Variants in SCAF8 observed in about 807,000 individuals in gnomAD.
SCAF8 encodes the protein SR-related and CTD-associated factor 8.
Under a neutral mutation model 140.5 loss-of-function variants are expected in SCAF8, and 23 were observed. The observed-to-expected ratio is 0.16, with a 90% CI of 0.12 to 0.23. SCAF8 has a LOEUF of 0.23. Ranked by LOEUF, SCAF8 falls within the 10% of genes least tolerant of loss-of-function variation. The pLI is 1.00. For synonymous variants in SCAF8, 575 were observed against 528.9 expected, an observed-to-expected ratio of 1.09 and a Z score of -1.20; for missense variants, 1,397 against 1,555.7, an observed-to-expected ratio of 0.90 and a Z score of 1.72.
At chr6:154,783,061 C>G (rs560044226) in intron 3 of SCAF8, among the ~76,000 whole-genome samples, 4 of 152,140 alleles carry the variant, frequency 2.6e-5, no homozygotes, top group Non-Finnish European at 5.9e-5. Context: ...ATCCTGAATC[C>G]TAAAGGCAAT....
intron 1 of SCAF8, among the ~76,000 whole-genome samples, chr6:154,746,452 G>A (rs760116661): frequency 3.9e-5 from 6 of 151,914 alleles, no homozygotes; most frequent in Non-Finnish European, 5.9e-5. Context: ...TTTTGTATCC[G>A]TTTATCTAAA....
At position 154,832,753 on chromosome 6, in the gene SCAF8, T is replaced by A. The variant is rs1583077530; in HGVS notation, c.3174T>A (p.Asp1058Glu). 5.6e-6 allele frequency: 9 copies of A among 1,613,554 alleles called. No homozygotes were observed. The highest frequency in any genetic ancestry group is 7.6e-6 in the Non-Finnish European group (9 of 1,179,906). The change falls in exon 20 of 20, where the codon GAT becomes GAA. Residue 1058 changes from aspartate to glutamate, a missense_variant. Coordinates refer to ENST00000367178, the MANE Select transcript of SCAF8 (RefSeq NM_014892.5). ...GPGRPPLDGR[D>E]HFGRPPVDIR... ...GACGGCCTCCACTAGATGGTAGGGA[T>A]CATTTTGGAAGACCTCCTGTAGATA...
chr6:154,805,784 G>A (rs1230012196), intron 9 of SCAF8, among the ~76,000 whole-genome samples: 1 of 152,066 alleles, frequency 6.6e-6, no homozygotes, highest in African/African-American at 2.4e-5. Flanking sequence ...TGGAAGTAGA[G>A]AACAGGATGG....
intron 1 of SCAF8, among the ~76,000 whole-genome samples, chr6:154,769,739 T>C (rs1776682057): frequency 6.6e-6 from 1 of 152,210 alleles, no homozygotes; most frequent in Non-Finnish European, 1.5e-5. Flanking sequence ...ATTTAGATCT[T>C]TCTGTACAAA....
chr6:154,824,292 C>G lies in SCAF8; in HGVS notation c.1985C>G (p.Ser662Trp). The change falls in exon 17 of 20, where the codon TCG becomes TGG. Residue 662 changes from serine (S) to tryptophan (W), a missense_variant. By Grantham distance (177) the Ser-to-Trp change is radical (BLOSUM62 -3). Coordinates refer to ENST00000367178, the MANE Select transcript of SCAF8 (RefSeq NM_014892.5). Reference sequence around the variant, plus strand: ...TTAGTCCCACCAGCATTTCCTGTGTCGATGCCGGTTCCTCCTCCTGGATTC... The same window carrying G: ...TTAGTCCCACCAGCATTTCCTGTGTGGATGCCGGTTCCTCCTCCTGGATTC... ...VSLVPPAFPV[S>W]MPVPPPGFSP... 1 of 1,613,992 alleles carries G rather than the reference C, an allele frequency of 6.2e-7. No homozygotes were observed. Among genetic ancestry groups the G allele is most frequent in the Non-Finnish European group, 8.5e-7 (1 of 1,179,850 alleles).
At chr6:154,796,395 C>G (rs1376147841) in intron 6 of SCAF8, among the ~76,000 whole-genome samples, 2 of 145,646 alleles carry the variant, frequency 1.4e-5, no homozygotes, top group Non-Finnish European at 3.1e-5. Context: ...CTCTCTCTGT[C>G]TCTCTCTTTT....
intron 3 of SCAF8, among the ~76,000 whole-genome samples, chr6:154,779,147 C>T (rs1777010275): frequency 6.6e-6 from 1 of 152,162 alleles, no homozygotes; most frequent in Non-Finnish European, 1.5e-5. Flanking sequence ...ATTCTCTTGC[C>T]TCAGCCTCCC....
At position 154,801,000 on chromosome 6, in the gene SCAF8, A is replaced by G. The variant is rs1777755490; in HGVS notation, c.607-971A>G. ...AATTGATAGACTGCGAAGTCAGAGT[A>G]GAGGAAGAAAATTGGATGCTCCAGT... On this transcript the variant is annotated intron_variant, in intron 6 of 19. Transcript: ENST00000367178. 2.0e-5 allele frequency among the ~76,000 whole-genome samples: 3 copies of G among 151,528 alleles called. No individual in the cohort carries two copies. The South Asian group carries it at 6.2e-4, about 31-fold the overall frequency.
intron 12 of SCAF8, among the ~76,000 whole-genome samples, chr6:154,813,918 C>G (rs906837830): frequency 6.6e-6 from 1 of 152,204 alleles, no homozygotes; most frequent in African/African-American, 2.4e-5. Flanking sequence ...GGTAAGGAAA[C>G]AGATTCTCCC....
At chr6:154,779,438 G>A (rs1454510514) in intron 3 of SCAF8, among the ~76,000 whole-genome samples, 7 of 152,216 alleles carry the variant, frequency 4.6e-5, no homozygotes, top group Non-Finnish European at 1.0e-4. Flanking sequence ...CGAGTGTGGA[G>A]AGGAACCTGA....
intron 1 of SCAF8, among the ~76,000 whole-genome samples, chr6:154,744,835 C>T (rs574574740): frequency 6.6e-6 from 1 of 152,170 alleles, no homozygotes; most frequent in Non-Finnish European, 1.5e-5. Flanking sequence ...TCTGTGCCTC[C>T]TGTAACCATG....
intron 3 of SCAF8, among the ~76,000 whole-genome samples, chr6:154,786,107 AGTTTTATT>A (rs1277570019): frequency 6.6e-6 from 1 of 152,138 alleles, no homozygotes; most frequent in Non-Finnish European, 1.5e-5. Flanking sequence ...AGGAGACTGG[AGTTTTATT>A]ATTACTCAAA....
At chr6:154,806,265 C>A (rs1429841109) in intron 9 of SCAF8, among the ~76,000 whole-genome samples, 1 of 152,040 alleles carries the variant, frequency 6.6e-6, no homozygotes, top group Non-Finnish European at 1.5e-5. Context: ...AGTTGTAGAG[C>A]TAGGATTAAA....
rs1204128014 is a variant in SCAF8 at position 154,809,866 on chromosome 6, T to C, written c.1227-149T>C. On this transcript the variant is annotated intron_variant, in intron 11 of 19. Transcript: ENST00000367178. ...CACGGATTTAAGTAAAATGCATTTTTGAGACTTGATTTTACTTCAGAATAT... is the reference window on the plus strand; with the variant it reads ...CACGGATTTAAGTAAAATGCATTTTCGAGACTTGATTTTACTTCAGAATAT... 1.9e-5 allele frequency: 14 copies of C among 732,858 alleles called. 1 individual carries two copies. In the Admixed American group the frequency reaches 3.5e-4, roughly 19 times the overall value. 45.4% of individuals were successfully genotyped at this position (732,858 alleles called of 1,614,324 possible).
chr6:154,803,468 C>A, intron 7 of SCAF8, 76 bp from the exon 8 acceptor site: 1 of 944,848 alleles, frequency 1.1e-6, no homozygotes, highest in Non-Finnish European at 1.7e-6. Context: ...ATGCCATTGA[C>A]ATTTAAAATA....
At position 154,733,702 on chromosome 6, in the gene SCAF8, G is replaced by A; in HGVS notation, c.-199G>A. The A allele has an allele frequency of 1.5e-6, 2 of 1,308,230 alleles. No individual in the cohort carries two copies. The highest frequency in any genetic ancestry group is 1.9e-6 in the Non-Finnish European group (2 of 1,031,688). The allele number at this position is 1,308,230 out of a possible 1,614,324, so 81.0% of individuals were successfully genotyped here. On this transcript the variant is annotated 5_prime_UTR_variant, in exon 1 of 20. An upstream start codon of the reference 5' UTR is lost. Transcript: ENST00000367178. The stretch of plus-strand genomic sequence containing the variant: ...GCGCTCCCCCCGCCCTAGCGGCCAT[G>A]CCGGTGCCGCTCTGCCGCTGAGGGA...
chr6:154,776,505 A>G (rs1467959930), intron 2 of SCAF8, among the ~76,000 whole-genome samples: 2 of 152,180 alleles, frequency 1.3e-5, no homozygotes, highest in Non-Finnish European at 2.9e-5. Context: ...AAGATTTATG[A>G]AGTAGTTTTA....
chr6:154,796,389 C>CTGTCTGTCTG (rs10679817), intron 6 of SCAF8, among the ~76,000 whole-genome samples: 17,410 of 141,002 alleles, frequency 0.12, 1,252 homozygotes, highest in South Asian at 0.24. Context: ...CTCTCTCTCT[C>CTGTCTGTCTG]TCTGTCTCTC....
In SCAF8 at chr6:154,741,807, C is replaced by G. The variant is rs776604988; in HGVS notation, c.30+7877C>G. 70 of 550,732 alleles carry G rather than the reference C, an allele frequency of 1.3e-4. No homozygotes were observed. The Middle Eastern group carries it at 2.9e-3, about 23-fold the overall frequency. The allele number at this position is 550,732 out of a possible 1,614,324, so 34.1% of individuals were successfully genotyped here. On this transcript the variant is annotated intron_variant, in intron 1 of 19. Transcript: ENST00000367178. Reference sequence around the variant, plus strand: ...AGATATCTCTTTCTAAGGCCAGTTACGCTGTTTTGGACAACTTCTAACTCA... The same window carrying G: ...AGATATCTCTTTCTAAGGCCAGTTAGGCTGTTTTGGACAACTTCTAACTCA...
Sources: gnomAD v4.1 joint callset for allele counts (sites outside exome capture counted in the v4.1 genomes callset) on GRCh38, gnomAD v4.1.1 for gene constraint, MANE v1.5 for transcripts, NCBI Gene and HGNC (gene_info 2026-07-23, HGNC 2026-07-21) for gene names.